TSHZ3: variants seen among roughly 807,000 people sequenced by gnomAD.
The protein encoded by TSHZ3 is teashirt zinc finger homeobox 3.
In TSHZ3, 10 loss-of-function variants were observed where a neutral mutation model predicts 64.5. The observed-to-expected ratio is 0.16, with a 90% CI of 0.10 to 0.26. TSHZ3 has a LOEUF of 0.26. TSHZ3 is among the 10% of genes least tolerant of loss of function. The pLI, the probability that TSHZ3 is intolerant of heterozygous loss-of-function variation, is 1.00. For missense variants in TSHZ3, 1,242 were observed against 1,421.7 expected (o/e 0.87, Z 2.03); for synonymous variants, 608 against 593.1 (o/e 1.03, Z -0.36).
chr19:31,174,390 A>T (rs1974580203), intron 5 of TSHZ3, among the ~76,000 whole-genome samples: 1 of 152,228 alleles, frequency 6.6e-6, no homozygotes, highest in Non-Finnish European at 1.5e-5. Flanking sequence ...TCAGGTCTTC[A>T]GTTACTGGAT....
At chr19:31,301,825 A>G (rs767784428) in intron 1 of TSHZ3, among the ~76,000 whole-genome samples, 5 of 152,110 alleles carry the variant, frequency 3.3e-5, no homozygotes, top group Admixed American at 6.5e-5. Flanking sequence ...CGTTTTACCT[A>G]TGCTGCCTTT....
At chr19:31,312,770 G>A (rs1916496974) in intron 1 of TSHZ3, among the ~76,000 whole-genome samples, 1 of 152,126 alleles carries the variant, frequency 6.6e-6, no homozygotes, top group Non-Finnish European at 1.5e-5. Context: ...ATTGCTTCAA[G>A]GAGAAAGTAT....
At chr19:31,165,236 G>A (rs907095141) in intron 5 of TSHZ3, among the ~76,000 whole-genome samples, 19 of 152,126 alleles carry the variant, frequency 1.2e-4, no homozygotes, top group African/African-American at 4.6e-4. Context: ...CAACTCCATG[G>A]AAAGGAAAAA....
In TSHZ3 at chr19:31,278,217, A is replaced by C. The variant is rs985614794; in HGVS notation, c.1576T>G (p.Leu526Val). 1 of 1,614,122 alleles carries C rather than the reference A, an allele frequency of 6.2e-7. No individual in the cohort carries two copies. The highest frequency in any genetic ancestry group is 8.5e-7 in the Non-Finnish European group (1 of 1,180,002). Residue 526 changes from leucine to valine, a missense_variant, in exon 2 of 2, where the codon TTG becomes GTG. Leu to Val is a conservative substitution (Grantham distance 32, BLOSUM62 1). This residue lies in a region of TSHZ3 where 555 missense variants were observed against 704.0 expected (regional missense o/e 0.79). Coordinates refer to ENST00000240587, the MANE Select transcript of TSHZ3 (RefSeq NM_020856.4). The surrounding 1 kb of genome is among the most constrained non-coding windows in gnomAD (Gnocchi z 4.7). ...ATTGCGGATGTCACTGTGTTTTCCA[A>C]GGATTTGAGGATATCAAGCCCCCCC... ...PKGGLDILKS[L>V]ENTVTSAINK...
At chr19:31,327,372 T>G (rs1916961017) in intron 1 of TSHZ3, among the ~76,000 whole-genome samples, 1 of 152,204 alleles carries the variant, frequency 6.6e-6, no homozygotes, top group Admixed American at 6.5e-5. Context: ...ATTTTAAAAA[T>G]TGAGGTAACT....
chr19:31,216,265 C>T (rs1485982799), intron 4 of TSHZ3, among the ~76,000 whole-genome samples: 1 of 152,122 alleles, frequency 6.6e-6, no homozygotes, highest in Non-Finnish European at 1.5e-5. Flanking sequence ...GCTCCCAGCC[C>T]CCACCATGTC....
intron 5 of TSHZ3, among the ~76,000 whole-genome samples, chr19:31,172,013 G>T (rs1974542300): frequency 6.6e-6 from 1 of 152,190 alleles, no homozygotes; most frequent in African/African-American, 2.4e-5. Context: ...GGGTCCCGTG[G>T]TTGGGGGGAT....
At chr19:31,183,769 G>A (rs1974762024) in intron 5 of TSHZ3, among the ~76,000 whole-genome samples, 1 of 152,122 alleles carries the variant, frequency 6.6e-6, no homozygotes, top group Admixed American at 6.5e-5. Context: ...AAGACATTTT[G>A]CTTCTTCATC....
At chr19:31,237,826 T>G (rs541501582) in intron 3 of TSHZ3, among the ~76,000 whole-genome samples, 1 of 152,332 alleles carries the variant, frequency 6.6e-6, no homozygotes, top group South Asian at 2.1e-4. Context: ...CTTCAAATAT[T>G]TTAAATTTAT....
chr19:31,152,568 G>A (rs1017631349), intron 6 of TSHZ3, among the ~76,000 whole-genome samples: 2 of 152,128 alleles, frequency 1.3e-5, no homozygotes, highest in Non-Finnish European at 2.9e-5. Flanking sequence ...CAAGCAGCTG[G>A]ACCTCACCAA....
At chr19:31,160,711 C>T (rs535395831) in intron 5 of TSHZ3, among the ~76,000 whole-genome samples, 18 of 151,952 alleles carry the variant, frequency 1.2e-4, no homozygotes, top group Middle Eastern at 3.4e-3. Flanking sequence ...CATATACACA[C>T]GTATATACAC....
chr19:31,331,234 C>CA (rs2145182238), intron 1 of TSHZ3, among the ~76,000 whole-genome samples: 1 of 152,280 alleles, frequency 6.6e-6, no homozygotes, highest in South Asian at 2.1e-4. Context: ...TCACCTGTAC[C>CA]AGAGCCTCAG....
chr19:31,338,413 C>T (rs528519903), intron 1 of TSHZ3, among the ~76,000 whole-genome samples: 19 of 152,246 alleles, frequency 1.2e-4, no homozygotes, highest in African/African-American at 2.9e-4. Flanking sequence ...GCTGGGAGCC[C>T]GGGCAGGGAG....
chr19:31,260,535 G>A (rs1267784161), intron 1 of TSHZ3, among the ~76,000 whole-genome samples: 1 of 152,154 alleles, frequency 6.6e-6, no homozygotes, highest in East Asian at 1.9e-4. Flanking sequence ...GCTATTCTCT[G>A]GGCTTCCCAG....
intron 1 of TSHZ3, among the ~76,000 whole-genome samples, chr19:31,328,953 A>G (rs1916999410): frequency 6.6e-6 from 1 of 152,116 alleles, no homozygotes; most frequent in Admixed American, 6.5e-5. Flanking sequence ...CTGTTCACCA[A>G]TCTCACTTGC....
chr19:31,221,705 C>T (rs1169001559), intron 4 of TSHZ3, among the ~76,000 whole-genome samples: 1 of 152,172 alleles, frequency 6.6e-6, no homozygotes, highest in Non-Finnish European at 1.5e-5. Flanking sequence ...AAAATGGTGG[C>T]CTGTCGCTGG....
At chr19:31,339,806 A>G (rs10411062) in intron 1 of TSHZ3, among the ~76,000 whole-genome samples, 16,862 of 148,648 alleles carry the variant, frequency 0.11, 1,045 homozygotes, top group Middle Eastern at 0.29. Context: ...GAAAAAAAAA[A>G]GGGGGGGGCG....
intron 1 of TSHZ3, among the ~76,000 whole-genome samples, chr19:31,332,388 C>T (rs1178951468): frequency 6.6e-6 from 1 of 152,174 alleles, no homozygotes. Flanking sequence ...AACCACGGAG[C>T]TGGTGGGGCT....
intron 5 of TSHZ3, among the ~76,000 whole-genome samples, chr19:31,172,433 C>T (rs2145116608): frequency 6.6e-6 from 1 of 152,218 alleles, no homozygotes; most frequent in East Asian, 1.9e-4. Context: ...CCCATGTACA[C>T]TGCTTTGTTA....
Sources: gnomAD v4.1 joint callset for allele counts (sites outside exome capture counted in the v4.1 genomes callset) on GRCh38, gnomAD v4.1.1 for gene constraint, gnomAD v4.1.1 regional missense constraint, Gnocchi (gnomAD v3.1) non-coding constraint, MANE v1.5 for transcripts, NCBI Gene and HGNC (gene_info 2026-07-23, HGNC 2026-07-21) for gene names.